The following SAAL1 variants were observed in gnomAD, a reference collection of about 807,000 sequenced individuals.
SAAL1 encodes the protein serum amyloid A like 1.
Under a neutral mutation model 59.8 loss-of-function variants are expected in SAAL1, and 42 were observed. That is an observed-to-expected ratio of 0.70 (90% confidence interval 0.55 to 0.91). The LOEUF is 0.91. Ranked by LOEUF, SAAL1 falls within the 40% of genes least tolerant of loss-of-function variation. The pLI, the probability that SAAL1 is intolerant of heterozygous loss-of-function variation, is 0.00. For missense variants in SAAL1, 542 were observed against 561.1 expected (o/e 0.97, Z 0.34); for synonymous variants, 191 against 194.3 (o/e 0.98, Z 0.14).
chr11:18,090,760 T>C lies in SAAL1; in HGVS notation c.414-267A>G, dbSNP rs528576351. 3 of 300,382 alleles carry C rather than the reference T, an allele frequency of 1.0e-5. No homozygotes were observed. The South Asian group carries it at 2.7e-4, about 27-fold the overall frequency. The allele number at this position is 300,382 out of a possible 1,614,324, so 18.6% of individuals were successfully genotyped here. ...ACCTAGAAATGATGACCATTCTGAT[T>C]TTTCCAGCAATCATTTCCTTACTTT... On this transcript the variant is annotated intron_variant, in intron 4 of 11. Coordinates refer to ENST00000524803, the MANE Select transcript of SAAL1 (RefSeq NM_138421.3).
intron 7 of SAAL1, among the ~76,000 whole-genome samples, chr11:18,087,499 C>T (rs962465964): frequency 3.3e-5 from 5 of 152,150 alleles, no homozygotes; most frequent in South Asian, 2.1e-4. Flanking sequence ...AAAGCAACAA[C>T]GCAGAAACCT....
intron 6 of SAAL1, 81 bp downstream of exon 6, chr11:18,090,094 A>G: frequency 7.7e-7 from 1 of 1,293,576 alleles, no homozygotes; most frequent in Non-Finnish European, 1.0e-6. Flanking sequence ...TAAAAAGGTG[A>G]CTTCTAGAAA....
At chr11:18,097,607 G>T (rs953009003) in intron 2 of SAAL1, among the ~76,000 whole-genome samples, 8 of 152,186 alleles carry the variant, frequency 5.3e-5, no homozygotes, top group African/African-American at 1.9e-4. Flanking sequence ...TGGGAGGCTG[G>T]TTAGAAGGCC....
At chr11:18,105,094 TC>T (rs1474648572) in intron 1 of SAAL1, among the ~76,000 whole-genome samples, 1 of 152,086 alleles carries the variant, frequency 6.6e-6, no homozygotes, top group Non-Finnish European at 1.5e-5. Flanking sequence ...AATATTATAA[TC>T]CCATTTTATA....
intron 1 of SAAL1, among the ~76,000 whole-genome samples, chr11:18,103,830 G>T (rs1848660947): frequency 6.6e-6 from 1 of 152,320 alleles, no homozygotes; most frequent in Middle Eastern, 3.4e-3. Flanking sequence ...GTAGGAAAGT[G>T]CTCAGTAAGC....
At position 18,106,053 on chromosome 11, in the gene SAAL1, G is replaced by C; in HGVS notation, c.-12C>G. 6.3e-7 allele frequency: 1 copy of C among 1,595,240 alleles called. No homozygotes were observed. Among genetic ancestry groups the C allele is most frequent in the Non-Finnish European group, 8.5e-7 (1 of 1,176,178 alleles). ...GGGTTGCGGTCCATGACTTTGTCGC[G>C]TCCCGCGCTTGAAGGCCGTGCCGGA... On this transcript the variant is annotated 5_prime_UTR_variant, in exon 1 of 12. Coordinates refer to ENST00000524803, the MANE Select transcript of SAAL1 (RefSeq NM_138421.3).
chr11:18,106,044 C>G lies in SAAL1; in HGVS notation c.-3G>C, dbSNP rs974757128. 1.3e-6 allele frequency: 2 copies of G among 1,599,886 alleles called. No individual in the cohort carries two copies. ...GGCGGCGAGGGGTTGCGGTCCATGA[C>G]TTTGTCGCGTCCCGCGCTTGAAGGC... On this transcript the variant is annotated 5_prime_UTR_variant, in exon 1 of 12. Transcript: ENST00000524803.
chr11:18,099,752 G>C (rs1173708107), intron 2 of SAAL1, among the ~76,000 whole-genome samples: 1 of 152,110 alleles, frequency 6.6e-6, no homozygotes, highest in East Asian at 1.9e-4. Flanking sequence ...ACAATGAGAA[G>C]GATTTTGCCA....
At position 18,083,618 on chromosome 11, in the gene SAAL1, A is replaced by G. The variant is rs1456839944; in HGVS notation, c.1156T>C (p.Leu386=). 1 of 1,606,910 alleles carries G rather than the reference A, an allele frequency of 6.2e-7. No individual in the cohort carries two copies. Among genetic ancestry groups the G allele is most frequent in the Non-Finnish European group, 8.5e-7 (1 of 1,173,730 alleles). Residue 386 remains leucine (L), a synonymous_variant, in exon 10 of 12, where the codon TTA becomes CTA. Coordinates refer to ENST00000524803, the MANE Select transcript of SAAL1 (RefSeq NM_138421.3). The part of the protein sequence containing the change: ...SNTEETKRTD[L]TQDDFHLKIL... ...TTCAAGTGGAAATCATCTTGGGTTA[A>G]ATCAGTCCTTTTAGTTTCCTCTGTG...
chr11:18,105,456 A>G (rs904443572), intron 1 of SAAL1, among the ~76,000 whole-genome samples: 8 of 137,180 alleles, frequency 5.8e-5, no homozygotes, highest in Admixed American at 5.5e-4. Context: ...TACAGAGGTG[A>G]GCCACCGCGC....
At chr11:18,089,607 T>C in intron 6 of SAAL1, 97 bp from the exon 7 acceptor site, 4 of 1,084,074 alleles carry the variant, frequency 3.7e-6, no homozygotes, top group Non-Finnish European at 4.0e-6. Context: ...AAACCAAATC[T>C]TGCCAAAGCA....
intron 3 of SAAL1, chr11:18,094,097 G>A (rs550162413): frequency 6.6e-6 from 1 of 152,244 alleles, no homozygotes; most frequent in South Asian, 2.1e-4. Flanking sequence ...CAGATCTACT[G>A]AATCATAATT....
intron 6 of SAAL1, 99 bp from the exon 7 acceptor site, chr11:18,089,609 G>T: frequency 1.9e-6 from 2 of 1,027,402 alleles, no homozygotes; most frequent in Non-Finnish European, 2.8e-6. Flanking sequence ...ACCAAATCTT[G>T]CCAAAGCAGT....
intron 4 of SAAL1, 127 bp downstream of exon 4, chr11:18,092,118 C>T: frequency 3.5e-6 from 2 of 577,706 alleles, no homozygotes. Context: ...CAATGAAGTT[C>T]CCACAGAGTG....
chr11:18,101,788 G>T, intron 2 of SAAL1, among the ~76,000 whole-genome samples: 1 of 145,676 alleles, frequency 6.9e-6, no homozygotes, highest in African/African-American at 2.5e-5. Context: ...ATAAATTGTG[G>T]TATATACATA....
intron 3 of SAAL1, 91 bp from the exon 4 acceptor site, chr11:18,092,415 A>G: frequency 1.2e-6 from 1 of 821,434 alleles, no homozygotes; most frequent in Non-Finnish European, 2.1e-6. Flanking sequence ...CGCTGAGCCA[A>G]GTTTTGGGGC....
intron 3 of SAAL1, among the ~76,000 whole-genome samples, chr11:18,096,258 TTTAAATTA>T (rs967157328): frequency 2.0e-5 from 3 of 152,068 alleles, no homozygotes; most frequent in African/African-American, 7.2e-5. Flanking sequence ...TTTTCATAAT[TTTAAATTA>T]TTAAATTATT....
chr11:18,099,420 G>T (rs1357266120), intron 2 of SAAL1, among the ~76,000 whole-genome samples: 1 of 152,180 alleles, frequency 6.6e-6, no homozygotes, highest in East Asian at 1.9e-4. Context: ...TAAGGGCTCA[G>T]TCCCATGGAA....
At chr11:18,090,614 A>C (rs1848514377) in intron 4 of SAAL1, 121 bp from the exon 5 acceptor site, 1 of 1,091,308 alleles carries the variant, frequency 9.2e-7, no homozygotes, top group Non-Finnish European at 1.3e-6. Context: ...AAAAGCTCAA[A>C]AGATACAAAT....
Sources: allele counts gnomAD v4.1 joint callset (sites outside exome capture counted in the v4.1 genomes callset), GRCh38; gene constraint gnomAD v4.1.1; transcripts MANE v1.5; gene names NCBI Gene and HGNC (gene_info 2026-07-23, HGNC 2026-07-21).